TMEM117: variants seen among roughly 807,000 people sequenced by gnomAD.
TMEM117 encodes transmembrane protein 117.
TMEM117 carries 27 observed loss-of-function variants against 52.4 expected under a neutral mutation model. The ratio of observed to expected loss-of-function variants is 0.51; its 90% CI spans 0.38 to 0.71. The LOEUF is 0.71. Among genes scored for constraint, TMEM117 ranks in the 30% least tolerant of loss-of-function variants. The pLI is 0.00. For missense variants in TMEM117, 556 were observed against 630.5 expected, an observed-to-expected ratio of 0.88 and a Z score of 1.26; for synonymous variants, 215 against 206.3, an observed-to-expected ratio of 1.04 and a Z score of -0.36.
At chr12:44,387,874 A>G (rs892995837) in intron 7 of TMEM117, 152 bp from the exon 8 acceptor site, 47 of 746,570 alleles carry the variant, frequency 6.3e-5, no homozygotes, top group African/African-American at 6.0e-4. Context: ...AATTCACTTA[A>G]TGGCAGCACA....
intron 2 of TMEM117, among the ~76,000 whole-genome samples, chr12:43,931,413 C>T (rs1453269163): frequency 1.3e-5 from 2 of 152,078 alleles, no homozygotes; most frequent in South Asian, 4.1e-4. Context: ...AATTACTAGA[C>T]ACACAAAGAT....
chr12:44,092,614 A>G lies in TMEM117; in HGVS notation c.411-50911A>G, dbSNP rs548735623. Among the ~76,000 whole-genome samples, 3 of 152,316 alleles carry G rather than the reference A, an allele frequency of 2.0e-5. No individual in the cohort carries two copies. The East Asian group carries it at 5.8e-4, about 29-fold the overall frequency. Reference sequence around the variant, plus strand: ...TTGCCAATGGAATAGCTGTTGTTGAAGCTAACTCATGGGAATAAAAATACT... The same window carrying G: ...TTGCCAATGGAATAGCTGTTGTTGAGGCTAACTCATGGGAATAAAAATACT... On this transcript the variant is annotated intron_variant, in intron 3 of 7. Transcript: ENST00000266534.
At chr12:43,878,904 T>C (rs954469326) in intron 2 of TMEM117, among the ~76,000 whole-genome samples, 5 of 152,182 alleles carry the variant, frequency 3.3e-5, no homozygotes, top group African/African-American at 1.2e-4. Flanking sequence ...TTCATAAATG[T>C]GTACCAATGA....
At chr12:44,132,842 C>T (rs1335270286) in intron 3 of TMEM117, among the ~76,000 whole-genome samples, 1 of 152,072 alleles carries the variant, frequency 6.6e-6, no homozygotes, top group Non-Finnish European at 1.5e-5. Flanking sequence ...TAAAAAATAA[C>T]ATCTAAGAGA....
chr12:43,946,978 A>G (rs890264215), intron 3 of TMEM117, among the ~76,000 whole-genome samples: 3 of 152,202 alleles, frequency 2.0e-5, no homozygotes, highest in African/African-American at 4.8e-5. Flanking sequence ...GAGAGGATAT[A>G]TTAAAGGTGC....
chr12:44,013,571 T>C (rs1194848022), intron 3 of TMEM117, among the ~76,000 whole-genome samples: 1 of 152,170 alleles, frequency 6.6e-6, no homozygotes, highest in Non-Finnish European at 1.5e-5. Context: ...TCCCCACTGC[T>C]GAAAGTACAG....
intron 6 of TMEM117, among the ~76,000 whole-genome samples, chr12:44,354,195 T>G (rs1259174812): frequency 6.6e-6 from 1 of 152,150 alleles, no homozygotes; most frequent in Admixed American, 6.6e-5. Flanking sequence ...GATTTTGGGC[T>G]GAGACGATGG....
At chr12:44,009,176 T>C (rs1230678371) in intron 3 of TMEM117, 3 of 269,654 alleles carry the variant, frequency 1.1e-5, no homozygotes, top group Non-Finnish European at 2.2e-5. Flanking sequence ...CTGTACCTTG[T>C]GTATATCACC....
At chr12:43,912,652 AT>A (rs1393536412) in intron 2 of TMEM117, among the ~76,000 whole-genome samples, 2 of 151,682 alleles carry the variant, frequency 1.3e-5, no homozygotes. Context: ...TATGTGTTTA[AT>A]GAATGAAAAT....
chr12:44,356,977 G>A (rs1951657882), intron 6 of TMEM117, among the ~76,000 whole-genome samples: 1 of 152,100 alleles, frequency 6.6e-6, no homozygotes, highest in Non-Finnish European at 1.5e-5. Context: ...AAATTTGTAA[G>A]CACTGAAAAT....
the TMEM117 span, among the ~76,000 whole-genome samples, chr12:43,823,543 C>T: frequency 4.6e-5 from 7 of 152,092 alleles, no homozygotes; most frequent in Admixed American, 6.5e-5. Flanking sequence ...CAGAGTTCCA[C>T]TCTGTCTCCA....
downstream of TMEM117, among the ~76,000 whole-genome samples, chr12:44,390,482 G>A (rs1952155848): frequency 1.3e-5 from 2 of 151,916 alleles, no homozygotes; most frequent in Non-Finnish European, 2.9e-5. Context: ...CAATATGCAT[G>A]ACTTATAAAA....
downstream of TMEM117, among the ~76,000 whole-genome samples, chr12:44,390,478 G>T (rs1952155801): frequency 6.6e-6 from 1 of 151,940 alleles, no homozygotes; most frequent in Non-Finnish European, 1.5e-5. Context: ...TTATCAATAT[G>T]CATGACTTAT....
chr12:44,350,635 TG>T (rs1478049408), intron 6 of TMEM117, among the ~76,000 whole-genome samples: 1 of 152,000 alleles, frequency 6.6e-6, no homozygotes, highest in African/African-American at 2.4e-5. Context: ...TTACTGTGCC[TG>T]GCTTATTTCA....
At chr12:43,842,498 A>G (rs569205738) in intron 1 of TMEM117, among the ~76,000 whole-genome samples, 15 of 152,252 alleles carry the variant, frequency 9.9e-5, no homozygotes, top group East Asian at 7.7e-4. Flanking sequence ...TAAAATAGTC[A>G]TGACAAGTCC....
rs546302653 is a variant in TMEM117, at chr12:43,888,813, G to C, written c.277+43885G>C. On this transcript the variant is annotated intron_variant, in intron 2 of 7. Coordinates refer to ENST00000266534, the MANE Select transcript of TMEM117 (RefSeq NM_032256.3). ...TCCGCCCACCTCGGCCTCCCAAAGT[G>C]CTGGGATTACAGGTGTGAGCCACCA... Among the ~76,000 whole-genome samples the C allele has an allele frequency of 1.9e-3, 283 of 152,190 alleles. 3 individuals carry two copies. Among genetic ancestry groups the C allele is most frequent in the African/African-American group, 6.4e-3 (267 of 41,520 alleles).
At chr12:43,995,774 A>G (rs980583340) in intron 3 of TMEM117, among the ~76,000 whole-genome samples, 10 of 152,206 alleles carry the variant, frequency 6.6e-5, no homozygotes, top group Non-Finnish European at 1.5e-4. Flanking sequence ...AAAACAGACT[A>G]ATAATCCCCA....
chr12:44,275,838 G>C (rs1950505402), intron 5 of TMEM117, among the ~76,000 whole-genome samples: 1 of 151,872 alleles, frequency 6.6e-6, no homozygotes, highest in Non-Finnish European at 1.5e-5. Flanking sequence ...ATGGTTAATG[G>C]GTACAATAGA....
chr12:44,361,573 T>G (rs1276808524), intron 6 of TMEM117, among the ~76,000 whole-genome samples: 1 of 152,162 alleles, frequency 6.6e-6, no homozygotes, highest in African/African-American at 2.4e-5. Flanking sequence ...TAAATATTGG[T>G]GAATAATCAA....
Sources: gnomAD v4.1 joint callset for allele counts (sites outside exome capture counted in the v4.1 genomes callset) on GRCh38, gnomAD v4.1.1 for gene constraint, MANE v1.5 for transcripts, NCBI Gene and HGNC (gene_info 2026-07-23, HGNC 2026-07-21) for gene names.